The following CADPS variants were observed in gnomAD, a reference collection of about 807,000 sequenced individuals.
CADPS encodes the protein calcium-dependent secretion activator 1.
A neutral mutation model predicts 167.3 loss-of-function variants in CADPS; 57 were observed. That is an observed-to-expected ratio of 0.34 (90% CI 0.28 to 0.42). The LOEUF (loss-of-function observed/expected upper bound fraction) is 0.42, where lower values mean the gene tolerates loss of function less well. CADPS is among the 20% of genes least tolerant of loss of function. The pLI is 1.00. For missense variants in CADPS, 1,414 were observed against 1,738.1 expected, an observed-to-expected ratio of 0.81 and a Z score of 3.32; for synonymous variants, 676 against 635.3, an observed-to-expected ratio of 1.06 and a Z score of -0.96.
chr3:62,474,225 A>G lies in CADPS; in HGVS notation c.3425T>C (p.Val1142Ala). Residue 1142 changes from valine to alanine, a missense_variant, in exon 24 of 30, where the codon GTT becomes GCT. This residue lies in a region of CADPS where 19 missense variants were observed against 49.4 expected (regional missense o/e 0.38). Transcript: ENST00000383710. ...TTTTGTTGATTGAGCTTTGGCATCA[A>G]CCATAACATTAAACATGGTGCATAT... ...QSICTMFNVM[V>A]DAKAQSTKLC... 1 of 1,538,226 alleles carries G rather than the reference A, an allele frequency of 6.5e-7. No individual in the cohort carries two copies. Among genetic ancestry groups the G allele is most frequent in the Non-Finnish European group, 8.7e-7 (1 of 1,142,872 alleles).
At chr3:62,775,759 T>A (rs2090122301) in intron 1 of CADPS, among the ~76,000 whole-genome samples, 1 of 152,222 alleles carries the variant, frequency 6.6e-6, no homozygotes, top group Non-Finnish European at 1.5e-5. Flanking sequence ...ACTGTTGTCC[T>A]TCCTCGTGCT....
At chr3:62,693,458 TGG>T (rs2079595169) in intron 3 of CADPS, among the ~76,000 whole-genome samples, 2 of 152,064 alleles carry the variant, frequency 1.3e-5, no homozygotes, top group Admixed American at 1.3e-4. Context: ...AATAAATTGA[TGG>T]GAACATATTT....
intron 1 of CADPS, among the ~76,000 whole-genome samples, chr3:62,845,767 T>C (rs747736031): frequency 5.3e-5 from 8 of 152,210 alleles, no homozygotes; most frequent in Non-Finnish European, 1.2e-4. Context: ...TATTTTATTT[T>C]GAACAATTTC....
At chr3:62,817,344 G>A (rs1283629564) in intron 1 of CADPS, among the ~76,000 whole-genome samples, 1 of 152,146 alleles carries the variant, frequency 6.6e-6, no homozygotes, top group Non-Finnish European at 1.5e-5. Context: ...CTTTCCTGAG[G>A]AAGAGGGAAG....
intron 23 of CADPS, 154 bp from the exon 24 acceptor site, chr3:62,474,474 C>T (rs2061016331): frequency 2.9e-6 from 2 of 684,820 alleles, no homozygotes; most frequent in African/African-American, 1.8e-5. Flanking sequence ...AAATGACTTT[C>T]CCAACTAAGG....
intron 3 of CADPS, among the ~76,000 whole-genome samples, chr3:62,741,771 C>T (rs190276892): frequency 6.6e-6 from 1 of 152,102 alleles, no homozygotes; most frequent in East Asian, 1.9e-4. Flanking sequence ...AAGTCTTGGC[C>T]AGGGCAATGA....
intron 3 of CADPS, among the ~76,000 whole-genome samples, chr3:62,731,119 G>C (rs1235487010): frequency 6.6e-6 from 1 of 152,158 alleles, no homozygotes; most frequent in Non-Finnish European, 1.5e-5. Flanking sequence ...GTGCATAGAG[G>C]AATTAGTTTG....
intron 2 of CADPS, among the ~76,000 whole-genome samples, chr3:62,764,989 A>G (rs2086483805): frequency 6.6e-6 from 1 of 152,322 alleles, no homozygotes; most frequent in Admixed American, 6.5e-5. Flanking sequence ...TTGTCATCTA[A>G]CCTTGACAAT....
intron 3 of CADPS, among the ~76,000 whole-genome samples, chr3:62,741,388 A>G (rs146275358): frequency 1.6e-3 from 237 of 152,314 alleles, no homozygotes; most frequent in African/African-American, 5.1e-3. Flanking sequence ...AATACTGGCA[A>G]ACTGAGTCCA....
At chr3:62,426,606 T>C (rs945104038) in intron 28 of CADPS, among the ~76,000 whole-genome samples, 4 of 152,220 alleles carry the variant, frequency 2.6e-5, no homozygotes, top group Admixed American at 1.3e-4. Flanking sequence ...ACTGTTTTTA[T>C]CCACTTTTTT....
At chr3:62,852,377 G>T (rs939792076) in intron 1 of CADPS, among the ~76,000 whole-genome samples, 1 of 152,088 alleles carries the variant, frequency 6.6e-6, no homozygotes, top group Admixed American at 6.6e-5. Context: ...CGCTCACACT[G>T]GGAGCTGTAG....
At chr3:62,665,757 T>C (rs2074288806) in intron 3 of CADPS, among the ~76,000 whole-genome samples, 1 of 152,220 alleles carries the variant, frequency 6.6e-6, no homozygotes, top group Non-Finnish European at 1.5e-5. Flanking sequence ...GTCCTTATCC[T>C]GGTTGTGCCA....
chr3:62,440,239 C>A (rs2056034441), intron 27 of CADPS: 1 of 152,094 alleles, frequency 6.6e-6, no homozygotes, highest in African/African-American at 2.4e-5. Context: ...CCTCCTTTTT[C>A]AAGCTCTTCA....
chr3:62,860,281 A>G (rs2080530956), intron 1 of CADPS, among the ~76,000 whole-genome samples: 1 of 152,204 alleles, frequency 6.6e-6, no homozygotes, highest in African/African-American at 2.4e-5. Context: ...CTTTCAGATG[A>G]TGTAATGACC....
chr3:62,860,859 G>A (rs2153178991), intron 1 of CADPS, among the ~76,000 whole-genome samples: 2 of 152,300 alleles, frequency 1.3e-5, no homozygotes, highest in East Asian at 3.9e-4. Context: ...CTTTCCACTT[G>A]GGGAGGAGTG....
intron 11 of CADPS, among the ~76,000 whole-genome samples, chr3:62,540,358 C>T (rs1291837112): frequency 6.6e-6 from 1 of 151,968 alleles, no homozygotes; most frequent in Non-Finnish European, 1.5e-5. Context: ...TGGTAGATAA[C>T]ATGTTCTGTG....
Position 62,474,304 on chromosome 3 carries a change from C to A in CADPS, c.3346G>T (p.Glu1116Ter). The A allele has an allele frequency of 6.2e-7, 1 of 1,613,664 alleles. No individual in the cohort carries two copies. Among genetic ancestry groups the A allele is most frequent in the Non-Finnish European group, 8.5e-7 (1 of 1,179,888 alleles). Residue 1116 changes from glutamate to a stop codon, truncating the protein, a stop_gained, in exon 24 of 30, where the codon GAA becomes TAA. Transcript: ENST00000383710. LOFTEE classifies it high-confidence loss of function. ...SCVKRTRIAF[E>*]VKLQKTSRST... ...CGACTGGTTTTTTGCAGCTTAACTTCAAATGCAATCCTGGTTCTATTAAAA... is the reference window on the plus strand; with the variant it reads ...CGACTGGTTTTTTGCAGCTTAACTTAAAATGCAATCCTGGTTCTATTAAAA...
At chr3:62,474,025 G>A in intron 24 of CADPS, 148 bp downstream of exon 24, 1 of 556,980 alleles carries the variant, frequency 1.8e-6, no homozygotes, top group Non-Finnish European at 3.1e-6. Flanking sequence ...AACAGATACT[G>A]AACACTCATC....
At chr3:62,822,825 G>C (rs1357607214) in intron 1 of CADPS, among the ~76,000 whole-genome samples, 2 of 152,044 alleles carry the variant, frequency 1.3e-5, no homozygotes, top group African/African-American at 4.8e-5. Context: ...CTGTGCGACA[G>C]AGTGAGACTC....
Sources: allele counts gnomAD v4.1 joint callset (sites outside exome capture counted in the v4.1 genomes callset), GRCh38; gene constraint gnomAD v4.1.1; regional missense constraint gnomAD v4.1.1; transcripts MANE v1.5; gene names NCBI Gene and HGNC (gene_info 2026-07-23, HGNC 2026-07-21).